The following KAZN variants were observed in gnomAD, a reference collection of about 807,000 sequenced individuals.
KAZN encodes the protein kazrin, periplakin interacting protein.
KAZN carries 40 observed loss-of-function variants against 87.4 expected under a neutral mutation model. The observed-to-expected ratio is 0.46, with a 90% CI of 0.36 to 0.60. KAZN has a LOEUF of 0.60. KAZN is among the 20% of genes least tolerant of loss of function. The pLI is 0.00. For synonymous variants in KAZN, 466 were observed against 458.3 expected, an observed-to-expected ratio of 1.02 and a Z score of -0.22; for missense variants, 898 against 1,073.9, an observed-to-expected ratio of 0.84 and a Z score of 2.29.
chr1:14,729,236 C>T (rs1374632648), intron 1 of KAZN, among the ~76,000 whole-genome samples: 1 of 152,172 alleles, frequency 6.6e-6, no homozygotes, highest in Non-Finnish European at 1.5e-5. Context: ...AGGCTGTCTT[C>T]GGCTTCACAG....
chr1:14,542,001 C>T (rs1395432806), intron 2 of KAZN, among the ~76,000 whole-genome samples: 5 of 152,110 alleles, frequency 3.3e-5, no homozygotes, highest in African/African-American at 4.8e-5. Context: ...CAGCATAGAA[C>T]ATTTCCTCCA....
At chr1:14,997,527 ACCGCACCTGG>A in intron 2 of KAZN, among the ~76,000 whole-genome samples, 2 of 152,250 alleles carry the variant, frequency 1.3e-5, no homozygotes, top group Middle Eastern at 6.8e-3. Context: ...GGTGTGAGCC[ACCGCACCTGG>A]CCTTTCTGTT....
intron 1 of KAZN, among the ~76,000 whole-genome samples, chr1:13,923,355 C>T (rs903010791): frequency 1.3e-5 from 2 of 151,892 alleles, no homozygotes; most frequent in African/African-American, 4.8e-5. Flanking sequence ...GGGCAGATCA[C>T]GAGGTCAGGA....
intron 2 of KAZN, among the ~76,000 whole-genome samples, chr1:14,394,130 C>T (rs1432362570): frequency 1.3e-5 from 2 of 152,246 alleles, no homozygotes; most frequent in Non-Finnish European, 2.9e-5. Flanking sequence ...CCCCCACACA[C>T]ATGCCAGCAG....
At chr1:14,404,750 G>C (rs1384050514) in intron 2 of KAZN, among the ~76,000 whole-genome samples, 1 of 152,148 alleles carries the variant, frequency 6.6e-6, no homozygotes, top group East Asian at 1.9e-4. Context: ...AAAATAGTAA[G>C]AAAAACAAAC....
chr1:14,394,245 G>A (rs60383597), intron 2 of KAZN, among the ~76,000 whole-genome samples: 3,856 of 152,384 alleles, frequency 0.025, 178 homozygotes, highest in African/African-American at 0.087. Flanking sequence ...AAGATGGCAT[G>A]TGATCTTATG....
intron 2 of KAZN, among the ~76,000 whole-genome samples, chr1:15,028,915 G>A (rs543567831): frequency 1.9e-4 from 29 of 152,162 alleles, no homozygotes; most frequent in Non-Finnish European, 2.5e-4. Flanking sequence ...CCAAAATATT[G>A]GGGTTTGTTA....
intron 2 of KAZN, among the ~76,000 whole-genome samples, chr1:14,485,410 G>A (rs1159157802): frequency 5.3e-5 from 8 of 152,152 alleles, no homozygotes; most frequent in African/African-American, 1.9e-4. Flanking sequence ...CCAGACTGAG[G>A]ACTAGCTGAC....
intron 1 of KAZN, among the ~76,000 whole-genome samples, chr1:14,931,207 C>T (rs1659776281): frequency 6.6e-6 from 1 of 151,910 alleles, no homozygotes; most frequent in Admixed American, 6.6e-5. Context: ...GTGGCCGAAG[C>T]AGGCGGAGCA....
Position 15,066,517 on chromosome 1 carries a change from C to T in KAZN, c.1222+764C>T, listed in dbSNP as rs879003812. 3.5e-5 allele frequency: 34 copies of T among 985,238 alleles called. No homozygotes were observed. Among genetic ancestry groups the T allele is most frequent in the South Asian group, 2.3e-4 (5 of 21,290 alleles). 61.0% of individuals were successfully genotyped at this position (985,238 alleles called of 1,614,324 possible). A position where few individuals can be genotyped will look rare whatever the true frequency, so the allele number is the denominator to read the frequency against. ...CAGAGGTCAAACCGGCTCTTTTAAA[C>T]GGCCTACCAGTTTTTAAATTGCATT... On this transcript the variant is annotated intron_variant, in intron 8 of 14. Transcript: ENST00000376030. The surrounding 1 kb of genome is among the most constrained non-coding windows in gnomAD (Gnocchi z 4.3).
intron 2 of KAZN, among the ~76,000 whole-genome samples, chr1:14,203,480 T>C (rs1646681382): frequency 6.6e-6 from 1 of 152,228 alleles, no homozygotes. Flanking sequence ...ATGTGTAATA[T>C]GCTTCAGTCT....
chr1:14,365,992 T>C (rs1012330093), intron 2 of KAZN, among the ~76,000 whole-genome samples: 3 of 152,224 alleles, frequency 2.0e-5, no homozygotes, highest in African/African-American at 7.2e-5. Context: ...TGTTAGTTCA[T>C]ACACGAGTCA....
intron 2 of KAZN, among the ~76,000 whole-genome samples, chr1:14,201,645 G>A (rs529961431): frequency 3.3e-5 from 5 of 152,202 alleles, no homozygotes; most frequent in Admixed American, 6.5e-5. Context: ...AGAAAGCCAG[G>A]TGAGATCCCC....
chr1:14,099,067 C>A (rs879710202), intron 1 of KAZN, among the ~76,000 whole-genome samples: 1 of 152,108 alleles, frequency 6.6e-6, no homozygotes, highest in Non-Finnish European at 1.5e-5. Flanking sequence ...CAGTGTTCTA[C>A]TTAGTTTGAT....
intron 2 of KAZN, among the ~76,000 whole-genome samples, chr1:14,243,929 C>T (rs929535871): frequency 6.6e-6 from 1 of 152,174 alleles, no homozygotes; most frequent in Non-Finnish European, 1.5e-5. Flanking sequence ...AACCACAGAG[C>T]TACCCTGGGG....
chr1:14,230,227 A>G (rs1647685390), intron 2 of KAZN, among the ~76,000 whole-genome samples: 1 of 152,264 alleles, frequency 6.6e-6, no homozygotes, highest in Non-Finnish European at 1.5e-5. Flanking sequence ...AAAGGTGAAC[A>G]TAATCAGAGT....
intron 2 of KAZN, among the ~76,000 whole-genome samples, chr1:15,000,096 G>A (rs529253548): frequency 7.2e-5 from 11 of 152,286 alleles, no homozygotes; most frequent in East Asian, 1.9e-4. Flanking sequence ...CTGGGTAATC[G>A]TGGGGTACTT....
chr1:14,728,061 G>A (rs539564397), intron 1 of KAZN, among the ~76,000 whole-genome samples: 7 of 151,778 alleles, frequency 4.6e-5, no homozygotes, highest in East Asian at 4.0e-4. Context: ...CGAGACGGGC[G>A]GATCATCTGA....
intron 1 of KAZN, among the ~76,000 whole-genome samples, chr1:14,896,117 C>T (rs184940240): frequency 1.4e-3 from 208 of 146,036 alleles, no homozygotes; most frequent in Non-Finnish European, 2.7e-3. Context: ...TGGAATGGTG[C>T]AATCTCTGCT....
Sources: allele counts gnomAD v4.1 joint callset (sites outside exome capture counted in the v4.1 genomes callset), GRCh38; gene constraint gnomAD v4.1.1; non-coding constraint Gnocchi (gnomAD v3.1); transcripts MANE v1.5; gene names NCBI Gene and HGNC (gene_info 2026-07-23, HGNC 2026-07-21).